NAALADL2: variants seen among roughly 807,000 people sequenced by gnomAD.
The protein encoded by NAALADL2 is N-acetylated alpha-linked acidic dipeptidase like 2, also known as inactive N-acetylated-alpha-linked acidic dipeptidase-like protein 2.
NAALADL2 carries 76 observed loss-of-function variants against 87.2 expected under a neutral mutation model. The observed-to-expected ratio is 0.87, with a 90% CI of 0.72 to 1.05. The LOEUF (loss-of-function observed/expected upper bound fraction) is 1.05. Among genes scored for constraint, NAALADL2 ranks in the 50% least tolerant of loss-of-function variants. NAALADL2 has a pLI of 0.00. For synonymous variants in NAALADL2, 354 were observed against 331.0 expected, an observed-to-expected ratio of 1.07 and a Z score of -0.75; for missense variants, 1,089 against 945.8, an observed-to-expected ratio of 1.15 and a Z score of -1.99.
At chr3:175,026,686 G>T (rs1380981439) in intron 1 of NAALADL2, among the ~76,000 whole-genome samples, 1 of 151,740 alleles carries the variant, frequency 6.6e-6, no homozygotes, top group East Asian at 1.9e-4. Context: ...GTGAGCTAGT[G>T]GGAAGCAATA....
rs558783331 is a variant in NAALADL2, at chr3:175,057,021, C to A, written c.44-39769C>A. The stretch of plus-strand genomic sequence containing the variant: ...GATTTGGGAGGCCTGTTCCCAACAG[C>A]ATTTTCATTTCTAATTGTAGATAAT... On this transcript the variant is annotated intron_variant, in intron 1 of 13. Coordinates refer to ENST00000454872, the MANE Select transcript of NAALADL2 (RefSeq NM_207015.3). Among the ~76,000 whole-genome samples, 22 of 152,268 alleles carry A rather than the reference C, an allele frequency of 1.4e-4. No individual in the cohort carries two copies. In the South Asian group the frequency reaches 3.7e-3, roughly 26 times the overall value.
At chr3:175,719,358 T>A (rs1191540107) in intron 11 of NAALADL2, among the ~76,000 whole-genome samples, 2 of 151,694 alleles carry the variant, frequency 1.3e-5, no homozygotes, top group Admixed American at 1.3e-4. Flanking sequence ...AAAGTGCACA[T>A]GTACCCTAAA....
intron 1 of NAALADL2, among the ~76,000 whole-genome samples, chr3:175,068,486 A>G (rs762685903): frequency 3.0e-4 from 45 of 152,270 alleles, no homozygotes; most frequent in Non-Finnish European, 5.9e-4. Flanking sequence ...GACCACCTCA[A>G]AAGAAAGGCA....
At chr3:175,760,272 A>G (rs752070810) in intron 13 of NAALADL2, among the ~76,000 whole-genome samples, 3 of 152,110 alleles carry the variant, frequency 2.0e-5, no homozygotes, top group Non-Finnish European at 4.4e-5. Flanking sequence ...GTAAAGCACT[A>G]TTTGTCTACA....
chr3:174,616,633 A>T (rs1160374360), intron 2 of NAALADL2, among the ~76,000 whole-genome samples: 1 of 151,912 alleles, frequency 6.6e-6, no homozygotes, highest in Non-Finnish European at 1.5e-5. Flanking sequence ...ATTAATTCTG[A>T]TGCCAGAATC....
intron 11 of NAALADL2, among the ~76,000 whole-genome samples, chr3:175,687,375 A>C (rs2149902326): frequency 6.6e-6 from 1 of 152,340 alleles, no homozygotes; most frequent in South Asian, 2.1e-4. Context: ...GGCCCAGAGT[A>C]ATCAATGTAC....
intron 2 of NAALADL2, among the ~76,000 whole-genome samples, chr3:174,712,508 C>T (rs535897585): frequency 6.6e-6 from 1 of 151,090 alleles, no homozygotes; most frequent in Non-Finnish European, 1.5e-5. Flanking sequence ...CTGCCTCAGC[C>T]TCCCAAGTAG....
chr3:175,550,148 T>A (rs543993526), intron 9 of NAALADL2, among the ~76,000 whole-genome samples: 1 of 152,200 alleles, frequency 6.6e-6, no homozygotes, highest in African/African-American at 2.4e-5. Flanking sequence ...GAATTTTTAT[T>A]GAGGGGGAAG....
Position 174,852,244 on chromosome 3 carries a change from A to AT in NAALADL2, c.-9+114499dup, listed in dbSNP as rs571717141. On this transcript the variant is annotated intron_variant, in intron 3 of 3. Coordinates refer to the NAALADL2 transcript ENST00000434257. ...CAGAACAATTAGACAAGAGAAAGAA[A>AT]TAAAGGCATCCGAATTGGAAAGGAA... Among the ~76,000 whole-genome samples, 854 of 152,296 alleles carry AT rather than the reference A, an allele frequency of 5.6e-3. 8 individuals are homozygous for AT. The highest frequency in any genetic ancestry group is 0.019 in the African/African-American group (805 of 41,576).
In NAALADL2 at chr3:174,553,861, G is replaced by C. The variant is rs954574653; in HGVS notation, c.-115+3224G>C. Among the ~76,000 whole-genome samples the C allele has an allele frequency of 4.0e-5, 6 of 151,890 alleles. No homozygotes were observed. The South Asian group carries it at 1.1e-3, about 27-fold the overall frequency. On this transcript the variant is annotated intron_variant, in intron 2 of 3. Coordinates refer to the NAALADL2 transcript ENST00000434257. ...CCATTGTACATTCATTTTAGTAATG[G>C]GTAATTTTTTGTTTTACATTTAAAG...
chr3:174,999,952 C>A (rs1748008982), intron 1 of NAALADL2, among the ~76,000 whole-genome samples: 1 of 151,600 alleles, frequency 6.6e-6, no homozygotes, highest in South Asian at 2.1e-4. Flanking sequence ...TCTTGGTGTG[C>A]CAGATAGGTA....
chr3:174,903,539 A>G (rs369823658), intron 1 of NAALADL2, among the ~76,000 whole-genome samples: 45 of 152,166 alleles, frequency 3.0e-4, no homozygotes, highest in African/African-American at 1.1e-3. Flanking sequence ...TTGACTTAAT[A>G]GATACAACTC....
At chr3:174,525,959 A>T (rs986200478) in intron 1 of NAALADL2, among the ~76,000 whole-genome samples, 2 of 152,168 alleles carry the variant, frequency 1.3e-5, no homozygotes, top group Non-Finnish European at 2.9e-5. Context: ...AGTTTCATAG[A>T]TTTTAATTAG....
At chr3:174,977,583 G>A (rs1467881699) in intron 1 of NAALADL2, among the ~76,000 whole-genome samples, 2 of 152,064 alleles carry the variant, frequency 1.3e-5, no homozygotes, top group Admixed American at 1.3e-4. Context: ...AGGCTATTAG[G>A]TCTTCTTTTA....
intron 10 of NAALADL2, among the ~76,000 whole-genome samples, chr3:175,615,755 G>A (rs1725259314): frequency 1.3e-5 from 2 of 151,670 alleles, no homozygotes; most frequent in Non-Finnish European, 2.9e-5. Context: ...TACTTGGGAG[G>A]CTGAGGCAGG....
rs183237517 is a variant in NAALADL2, at chr3:175,705,763, G to C, written c.1897-31543G>C. ...ACTGCCTTGTCCAGTCATGCAGCTAGTTAATGGTAAACCTCAAGTTAGAAC... is the reference window on the plus strand; with the variant it reads ...ACTGCCTTGTCCAGTCATGCAGCTACTTAATGGTAAACCTCAAGTTAGAAC... On this transcript the variant is annotated intron_variant, in intron 11 of 13. Coordinates refer to ENST00000454872, the MANE Select transcript of NAALADL2 (RefSeq NM_207015.3). Among the ~76,000 whole-genome samples the C allele has an allele frequency of 2.1e-3, 313 of 152,222 alleles. 2 individuals carry two copies. In the Middle Eastern group the frequency reaches 0.031, roughly 15 times the overall value.
intron 5 of NAALADL2, among the ~76,000 whole-genome samples, chr3:175,441,969 T>TCTCG (rs1719848850): frequency 6.6e-6 from 1 of 151,976 alleles, no homozygotes; most frequent in South Asian, 2.1e-4. Flanking sequence ...TGAGATGGAG[T>TCTCG]CTCGCTCTTT....
intron 10 of NAALADL2, among the ~76,000 whole-genome samples, chr3:175,590,381 A>G (rs965220042): frequency 1.4e-5 from 2 of 142,896 alleles, no homozygotes; most frequent in Non-Finnish European, 3.0e-5. Flanking sequence ...TAGTGTCTGT[A>G]TCTGGAAATA....
chr3:174,920,959 T>A (rs536790208), intron 1 of NAALADL2, among the ~76,000 whole-genome samples: 1 of 152,294 alleles, frequency 6.6e-6, no homozygotes, highest in African/African-American at 2.4e-5. Context: ...ACGGTCAGCA[T>A]TTGTCTATTA....
Sources: gnomAD v4.1 joint callset for allele counts (sites outside exome capture counted in the v4.1 genomes callset) on GRCh38, gnomAD v4.1.1 for gene constraint, MANE v1.5 for transcripts, NCBI Gene and HGNC (gene_info 2026-07-23, HGNC 2026-07-21) for gene names.